ACTR3C: variants seen among roughly 807,000 people sequenced by gnomAD.
The protein encoded by ACTR3C is actin-related protein 3C.
Under a neutral mutation model 26.3 loss-of-function variants are expected in ACTR3C, and 18 were observed. The ratio of observed to expected loss-of-function variants is 0.68; its 90% confidence interval spans 0.47 to 1.01. ACTR3C has a LOEUF of 1.01. ACTR3C is among the 50% of genes least tolerant of loss of function. The pLI, the probability that ACTR3C is intolerant of heterozygous loss-of-function variation, is 0.00. For synonymous variants in ACTR3C, 55 were observed against 94.5 expected (o/e 0.58, Z 2.42); for missense variants, 184 against 250.7 (o/e 0.73, Z 1.80).
chr7:150,295,359 C>G lies in ACTR3C; in HGVS notation c.-51-12G>C, dbSNP rs1465522973. 1 of 1,610,394 alleles carries G rather than the reference C, an allele frequency of 6.2e-7. No individual in the cohort carries two copies. Among genetic ancestry groups the G allele is most frequent in the Admixed American group, 1.7e-5 (1 of 60,006 alleles). ...AGTGGAGGTTCTGTCTGTAAGAAAA[C>G]ATTCACTATATTTAGTGTTTACCCA... On this transcript the variant is annotated splice_polypyrimidine_tract_variant and intron_variant, in intron 1 of 7. Coordinates refer to ENST00000683684, the MANE Select transcript of ACTR3C (RefSeq NM_001164458.2).
the ACTR3C span, among the ~76,000 whole-genome samples, chr7:150,072,007 G>A: frequency 6.8e-6 from 1 of 146,412 alleles, no homozygotes; most frequent in Admixed American, 6.7e-5. Flanking sequence ...GGGGAAAGGA[G>A]GAACGCAGCT....
chr7:150,273,168 C>G (rs77270304), intron 6 of ACTR3C, among the ~76,000 whole-genome samples: 10 of 150,384 alleles, frequency 6.6e-5, no homozygotes, highest in East Asian at 1.9e-4. Context: ...ATCAGCGAAT[C>G]TAGCACAGAC....
the ACTR3C span, among the ~76,000 whole-genome samples, chr7:150,162,312 T>C: frequency 6.9e-6 from 1 of 145,114 alleles, no homozygotes; most frequent in African/African-American, 2.6e-5. Flanking sequence ...AGTGCTTAAT[T>C]AATAGGTTGG....
the ACTR3C span, among the ~76,000 whole-genome samples, chr7:150,042,399 C>A: frequency 5.6e-4 from 73 of 131,208 alleles, 1 homozygote; most frequent in East Asian, 0.012. Flanking sequence ...AAGAGGGGCT[C>A]GCTCTCAGTC....
the ACTR3C span, among the ~76,000 whole-genome samples, chr7:149,963,939 C>G: frequency 6.6e-6 from 1 of 152,068 alleles, no homozygotes; most frequent in Non-Finnish European, 1.5e-5. Context: ...ATGAATCCAA[C>G]GGACAACGAT....
At chr7:150,255,419 T>C (rs2129609605) in intron 6 of ACTR3C, among the ~76,000 whole-genome samples, 1 of 152,186 alleles carries the variant, frequency 6.6e-6, no homozygotes, top group South Asian at 2.1e-4. Context: ...CTTCCTGAAA[T>C]CTAGACCTTA....
chr7:150,051,198 C>A, the ACTR3C span, among the ~76,000 whole-genome samples: 2 of 151,764 alleles, frequency 1.3e-5, no homozygotes, highest in African/African-American at 4.8e-5. Flanking sequence ...CACGGATACA[C>A]ACATTGCAGT....
At chr7:150,236,788 G>T in the ACTR3C span, among the ~76,000 whole-genome samples, 2 of 149,542 alleles carry the variant, frequency 1.3e-5, no homozygotes, top group Admixed American at 1.3e-4. Flanking sequence ...GCTTCCTAGG[G>T]CTTATTGGAA....
chr7:149,958,953 T>C, the ACTR3C span, among the ~76,000 whole-genome samples: 3 of 152,124 alleles, frequency 2.0e-5, no homozygotes, highest in Non-Finnish European at 4.4e-5. Flanking sequence ...CACCAGAACA[T>C]CAGTGTATTC....
chr7:150,111,636 T>C, the ACTR3C span, among the ~76,000 whole-genome samples: 1 of 105,514 alleles, frequency 9.5e-6, no homozygotes, highest in African/African-American at 4.2e-5. Context: ...AGTCACACCC[T>C]CTCCTGCACA....
the ACTR3C span, among the ~76,000 whole-genome samples, chr7:150,170,134 T>G: frequency 6.7e-6 from 1 of 149,654 alleles, no homozygotes; most frequent in Admixed American, 6.6e-5. Context: ...ATGATCCACT[T>G]TCAAGTTCCC....
the ACTR3C span, chr7:150,073,871 T>C: frequency 6.6e-6 from 1 of 152,232 alleles, no homozygotes; most frequent in African/African-American, 2.4e-5. Flanking sequence ...AGACAAAGTT[T>C]ATAATAAGCT....
chr7:149,934,780 G>A, the ACTR3C span, among the ~76,000 whole-genome samples: 1 of 144,602 alleles, frequency 6.9e-6, no homozygotes, highest in South Asian at 2.3e-4. Context: ...ACACCACGCT[G>A]CCTCTGAGTT....
chr7:150,060,355 A>C, the ACTR3C span, among the ~76,000 whole-genome samples: 1 of 150,652 alleles, frequency 6.6e-6, no homozygotes, highest in Non-Finnish European at 1.5e-5. Context: ...CCAGGTGAAT[A>C]AATCAGCATT....
the ACTR3C span, among the ~76,000 whole-genome samples, chr7:150,114,496 T>C: frequency 5.9e-5 from 9 of 151,948 alleles, no homozygotes; most frequent in Non-Finnish European, 1.3e-4. Flanking sequence ...AATAGAAAGA[T>C]AGCTTCTCTA....
the ACTR3C span, among the ~76,000 whole-genome samples, chr7:150,045,733 C>G: frequency 6.6e-6 from 1 of 151,986 alleles, no homozygotes; most frequent in Non-Finnish European, 1.5e-5. Flanking sequence ...CATGTATACT[C>G]CAAGTTAAGA....
At chr7:150,043,462 T>A in the ACTR3C span, among the ~76,000 whole-genome samples, 23 of 152,054 alleles carry the variant, frequency 1.5e-4, no homozygotes, top group Non-Finnish European at 3.1e-4. Flanking sequence ...TTGTACTAGC[T>A]GGGCAGTTGC....
chr7:150,159,044 ACACC>A, the ACTR3C span, among the ~76,000 whole-genome samples: 5,182 of 151,826 alleles, frequency 0.034, 248 homozygotes, highest in East Asian at 0.19. Context: ...ACTCAGGCAC[ACACC>A]GTGGCAACAA....
chr7:150,209,092 C>A, the ACTR3C span, among the ~76,000 whole-genome samples: 5 of 151,272 alleles, frequency 3.3e-5, no homozygotes, highest in Admixed American at 3.3e-4. Context: ...AAAATAAAAC[C>A]CAGGGAAAAG....
Sources: gnomAD v4.1 joint callset for allele counts (sites outside exome capture counted in the v4.1 genomes callset) on GRCh38, gnomAD v4.1.1 for gene constraint, MANE v1.5 for transcripts, NCBI Gene and HGNC (gene_info 2026-07-23, HGNC 2026-07-21) for gene names.